Variants in DPYSL2 observed in about 807,000 individuals in gnomAD.
The protein encoded by DPYSL2 is dihydropyrimidinase like 2.
DPYSL2 carries 13 observed loss-of-function variants against 69.9 expected under a neutral mutation model. That is an observed-to-expected ratio of 0.19 (90% CI 0.12 to 0.30). The LOEUF is 0.30. Ranked by LOEUF, DPYSL2 falls within the 10% of genes least tolerant of loss-of-function variation. The pLI, the probability that DPYSL2 is intolerant of heterozygous loss-of-function variation, is 1.00. For missense variants in DPYSL2, 587 were observed against 918.9 expected (o/e 0.64, Z 4.67); for synonymous variants, 326 against 359.1 (o/e 0.91, Z 1.04).
intron 1 of DPYSL2, among the ~76,000 whole-genome samples, chr8:26,523,101 A>G (rs1808415461): frequency 6.6e-6 from 1 of 151,854 alleles, no homozygotes. Context: ...GTTCATATGT[A>G]AAAAACTCCT....
rs1309280651 is a variant in DPYSL2 at position 26,514,610 on chromosome 8, T to C, written c.285T>C (p.Val95=). The C allele has an allele frequency of 6.7e-7, 1 of 1,497,160 alleles. No homozygotes were observed. The highest frequency in any genetic ancestry group is 8.8e-7 in the Non-Finnish European group (1 of 1,130,070). The allele number at this position is 1,497,160 out of a possible 1,614,324, so 92.7% of individuals were successfully genotyped here. Residue 95 remains valine (V), a synonymous_variant, in exon 1 of 14, where the codon GTT becomes GTC. Transcript: ENST00000521913. This position sits in a 1 kb window ranked among gnomAD's most constrained non-coding sequence, Gnocchi z 8.4. ...QGRRAGGEPS[V]ESGRKVEIRR... The stretch of plus-strand genomic sequence containing the variant: ...GGCGCGCCGGCGGAGAGCCATCTGT[T>C]GAATCGGGCCGGAAGGTGGAGATCC...
Position 26,654,610 on chromosome 8 carries a change from C to T in DPYSL2, c.1943-1005C>T, listed in dbSNP as rs1803342839. On this transcript the variant is annotated intron_variant, in intron 13 of 13. Coordinates refer to ENST00000521913, the MANE Select transcript of DPYSL2 (RefSeq NM_001197293.3). The surrounding 1 kb of genome is among the most constrained non-coding windows in gnomAD (Gnocchi z 5.0). ...ATATAAGGTGCCATCGTTCCTCCTA[C>T]TTGTGATTATATGTGTAGGATTAGG... Among the ~76,000 whole-genome samples the T allele has an allele frequency of 6.6e-6, 1 of 152,128 alleles. No individual in the cohort carries two copies. Among genetic ancestry groups the T allele is most frequent in the Non-Finnish European group, 1.5e-5 (1 of 68,038 alleles).
At chr8:26,631,682 T>C (rs1802778317) in intron 7 of DPYSL2, among the ~76,000 whole-genome samples, 1 of 152,174 alleles carries the variant, frequency 6.6e-6, no homozygotes, top group Admixed American at 6.5e-5. Flanking sequence ...CAGTATGGGA[T>C]GCAGTTTTTC....
At position 26,547,362 on chromosome 8, in the gene DPYSL2, GA is replaced by G. The variant is rs35108046; in HGVS notation, c.354+32695del. 2.9e-3 allele frequency among the ~76,000 whole-genome samples: 434 copies of G among 147,190 alleles called. 4 individuals are homozygous for G. Among genetic ancestry groups the G allele is most frequent in the East Asian group, 3.4e-3 (17 of 5,000 alleles). On this transcript the variant is annotated intron_variant, in intron 1 of 13. Transcript: ENST00000521913. Reference sequence around the variant, plus strand: ...TGGTTGACAGAGAGAGACCCTGATTGAAAAAAAAAAAATTGCTTACTGGAGC... The same window carrying G: ...TGGTTGACAGAGAGAGACCCTGATTGAAAAAAAAAAATTGCTTACTGGAGC...
chr8:26,552,918 TAAGAA>T (rs1211883683), intron 1 of DPYSL2, among the ~76,000 whole-genome samples: 1 of 152,010 alleles, frequency 6.6e-6, no homozygotes, highest in Non-Finnish European at 1.5e-5. Context: ...CTAGCTAGGC[TAAGAA>T]AAGAAGAGAG....
At chr8:26,601,594 G>T (rs1225755617) in intron 3 of DPYSL2, among the ~76,000 whole-genome samples, 1 of 151,912 alleles carries the variant, frequency 6.6e-6, no homozygotes, top group African/African-American at 2.4e-5. Flanking sequence ...AGCCAGGATG[G>T]TCTCCATCTC....
intron 1 of DPYSL2, among the ~76,000 whole-genome samples, chr8:26,567,645 G>A (rs189895489): frequency 4.6e-5 from 7 of 152,374 alleles, no homozygotes; most frequent in African/African-American, 1.4e-4. Flanking sequence ...AGCTGGACCT[G>A]AGGGCTCAGG....
In DPYSL2 at chr8:26,610,447, T is replaced by C. The variant is rs1802199231; in HGVS notation, c.629-13696T>C. 6.6e-6 allele frequency among the ~76,000 whole-genome samples: 1 copy of C among 152,204 alleles called. No individual in the cohort carries two copies. The stretch of plus-strand genomic sequence containing the variant: ...CTTCCTTTTCTAGCATTTACTCTTA[T>C]GTTACAATTAGTGCCTGCTTGCTGT... On this transcript the variant is annotated intron_variant, in intron 3 of 13. Coordinates refer to ENST00000521913, the MANE Select transcript of DPYSL2 (RefSeq NM_001197293.3). This position sits in a 1 kb window ranked among gnomAD's most constrained non-coding sequence, Gnocchi z 4.5.
chr8:26,565,119 T>C lies in DPYSL2; in HGVS notation c.355-16850T>C, dbSNP rs1563388684. ...GATATTATATCATTCTTTATCATTC[T>C]GTTTTATGGCTGAGTAGTATTCCAA... On this transcript the variant is annotated intron_variant, in intron 1 of 13. Coordinates refer to ENST00000521913, the MANE Select transcript of DPYSL2 (RefSeq NM_001197293.3). This position sits in a 1 kb window ranked among gnomAD's most constrained non-coding sequence, Gnocchi z 4.1. 6.6e-6 allele frequency among the ~76,000 whole-genome samples: 1 copy of C among 152,246 alleles called. No homozygotes were observed. Among genetic ancestry groups the C allele is most frequent in the Non-Finnish European group, 1.5e-5 (1 of 68,046 alleles).
chr8:26,578,395 C>CT (rs945685883), intron 1 of DPYSL2: 123 of 1,574,946 alleles, frequency 7.8e-5, no homozygotes, highest in Admixed American at 3.3e-4. Context: ...AGGGACCGAA[C>CT]TTTTTTTTTC....
intron 1 of DPYSL2, among the ~76,000 whole-genome samples, chr8:26,550,652 AGACT>A (rs1484898207): frequency 5.3e-5 from 8 of 152,342 alleles, no homozygotes; most frequent in African/African-American, 1.9e-4. Flanking sequence ...GGAGATAGAT[AGACT>A]GATAGATGAC....
Position 26,657,044 on chromosome 8 carries a change from T to A in DPYSL2, c.*1338T>A, listed in dbSNP as rs187524782. The A allele has an allele frequency of 1.6e-4, 25 of 152,356 alleles. No homozygotes were observed. Among genetic ancestry groups the A allele is most frequent in the Admixed American group, 1.4e-3 (22 of 15,300 alleles). 9.4% of individuals were successfully genotyped at this position (152,356 alleles called of 1,614,324 possible). A position where few individuals can be genotyped will look rare whatever the true frequency, so the allele number is the denominator to read the frequency against. On this transcript the variant is annotated 3_prime_UTR_variant, in exon 14 of 14. Transcript: ENST00000521913. ...GATTCTAGAACACATGGGAGCTTTT[T>A]ATTTTCGGGGAAAAACCGTATTTTT...
chr8:26,514,133 A>C lies in DPYSL2; in HGVS notation c.-193A>C. 3 of 414,562 alleles carry C rather than the reference A, an allele frequency of 7.2e-6. No homozygotes were observed. Among genetic ancestry groups the C allele is most frequent in the East Asian group, 3.8e-5 (1 of 26,652 alleles). 25.7% of individuals were successfully genotyped at this position (414,562 alleles called of 1,614,324 possible). On this transcript the variant is annotated 5_prime_UTR_variant, in exon 1 of 14. Coordinates refer to ENST00000521913, the MANE Select transcript of DPYSL2 (RefSeq NM_001197293.3). The surrounding 1 kb of genome is among the most constrained non-coding windows in gnomAD (Gnocchi z 8.4). ...GGGGGGCGTGGGCAGGGAGGGGAGA[A>C]GCGGGGTCAGGGGGAGGGACCGGGA...
Position 26,641,611 on chromosome 8 carries a change from C to T in DPYSL2, c.1127-1828C>T, listed in dbSNP as rs1585567969. Reference sequence around the variant, plus strand: ...AGTGGTTTGTGCAGCCACCTGATAGCTCTTTGCACCAGCTTCTGCATGGGA... The same window carrying T: ...AGTGGTTTGTGCAGCCACCTGATAGTTCTTTGCACCAGCTTCTGCATGGGA... On this transcript the variant is annotated intron_variant, in intron 8 of 13. Transcript: ENST00000521913. This position sits in a 1 kb window ranked among gnomAD's most constrained non-coding sequence, Gnocchi z 4.1. Among the ~76,000 whole-genome samples, 1 of 152,250 alleles carries T rather than the reference C, an allele frequency of 6.6e-6. No homozygotes were observed. The highest frequency in any genetic ancestry group is 1.5e-5 in the Non-Finnish European group (1 of 68,046).
Position 26,565,737 on chromosome 8 carries a change from G to A in DPYSL2, c.355-16232G>A, listed in dbSNP as rs1036240552. 6.6e-6 allele frequency among the ~76,000 whole-genome samples: 1 copy of A among 152,166 alleles called. No homozygotes were observed. The highest frequency in any genetic ancestry group is 2.4e-5 in the African/African-American group (1 of 41,430). ...TGTATATCACATAATAGTTCAAGGT[G>A]GGTGTTTCTGTTGAGTGGGCAGAGA... On this transcript the variant is annotated intron_variant, in intron 1 of 13. Coordinates refer to ENST00000521913, the MANE Select transcript of DPYSL2 (RefSeq NM_001197293.3). This position sits in a 1 kb window ranked among gnomAD's most constrained non-coding sequence, Gnocchi z 4.1.
intron 8 of DPYSL2, among the ~76,000 whole-genome samples, chr8:26,638,622 T>C (rs1205963448): frequency 6.6e-6 from 1 of 151,760 alleles, no homozygotes; most frequent in African/African-American, 2.4e-5. Context: ...AGCCGGGGAG[T>C]GGTGTGTCAT....
At chr8:26,618,826 C>T (rs1164913806) in intron 3 of DPYSL2, among the ~76,000 whole-genome samples, 3 of 150,904 alleles carry the variant, frequency 2.0e-5, no homozygotes, top group Admixed American at 6.6e-5. Flanking sequence ...GGCATGATGG[C>T]GCGCGCCTGT....
In DPYSL2 at chr8:26,643,247, C is replaced by T. The variant is rs576092122; in HGVS notation, c.1127-192C>T. 7.5e-6 allele frequency: 4 copies of T among 535,856 alleles called. No individual in the cohort carries two copies. The highest frequency in any genetic ancestry group is 3.4e-5 in the East Asian group (1 of 29,728). The allele number at this position is 535,856 out of a possible 1,614,324, so 33.2% of individuals were successfully genotyped here. A position where few individuals can be genotyped will look rare whatever the true frequency, so the allele number is the denominator to read the frequency against. ...GGGCTGAAGGTGGAATCTTGGGGAG[C>T]TCATGACAGGCTGGCAGAGGTACTG... is the stretch of plus-strand genomic sequence containing the variant. On this transcript the variant is annotated intron_variant, in intron 8 of 13. Coordinates refer to ENST00000521913, the MANE Select transcript of DPYSL2 (RefSeq NM_001197293.3). The surrounding 1 kb of genome is among the most constrained non-coding windows in gnomAD (Gnocchi z 6.5).
chr8:26,646,053 A>G (rs941429149), intron 10 of DPYSL2, among the ~76,000 whole-genome samples: 1 of 151,278 alleles, frequency 6.6e-6, no homozygotes, highest in Admixed American at 6.6e-5. Flanking sequence ...TTTAGTAGAG[A>G]CGGGGTTTTG....
Sources: gnomAD v4.1 joint callset for allele counts (sites outside exome capture counted in the v4.1 genomes callset) on GRCh38, gnomAD v4.1.1 for gene constraint, Gnocchi (gnomAD v3.1) non-coding constraint, MANE v1.5 for transcripts, NCBI Gene and HGNC (gene_info 2026-07-23, HGNC 2026-07-21) for gene names.